Variants in ADAMTSL2 observed in about 807,000 individuals in gnomAD.
ADAMTSL2 encodes the protein ADAMTS-like protein 2.
A neutral mutation model predicts 117.0 loss-of-function variants in ADAMTSL2; 55 were observed. That is an observed-to-expected ratio of 0.47 (90% CI 0.38 to 0.59). The LOEUF (loss-of-function observed/expected upper bound fraction) is 0.59. ADAMTSL2 is among the 20% of genes least tolerant of loss of function. The pLI is 0.00. For synonymous variants in ADAMTSL2, 572 were observed against 566.4 expected (o/e 1.01, Z -0.14); for missense variants, 1,182 against 1,354.5 (o/e 0.87, Z 2.00).
In ADAMTSL2 at chr9:133,557,770, G is replaced by T. The variant is rs1588295978; in HGVS notation, c.1649+1840G>T. 6.6e-6 allele frequency among the ~76,000 whole-genome samples: 1 copy of T among 152,198 alleles called. No homozygotes were observed. Among genetic ancestry groups the T allele is most frequent in the East Asian group, 1.9e-4 (1 of 5,198 alleles). Reference sequence around the variant, plus strand: ...GAGCCTCCAAGTGGCAGCAGTGGGGGGTGCCTTTCAGGACCCACTGCCTGG... The same window carrying T: ...GAGCCTCCAAGTGGCAGCAGTGGGGTGTGCCTTTCAGGACCCACTGCCTGG... On this transcript the variant is annotated intron_variant, in intron 11 of 18. Coordinates refer to ENST00000651351, the MANE Select transcript of ADAMTSL2 (RefSeq NM_014694.4). This position sits in a 1 kb window ranked among gnomAD's most constrained non-coding sequence, Gnocchi z 5.2.
At position 133,534,783 on chromosome 9, in the gene ADAMTSL2, G is replaced by T; in HGVS notation, c.-285G>T. On this transcript the variant is annotated 5_prime_UTR_variant, in exon 1 of 19. Coordinates refer to ENST00000651351, the MANE Select transcript of ADAMTSL2 (RefSeq NM_014694.4). ...AGAGGGAGGCGGCGCGGGGGAGGAG[G>T]GGAAGGGGAGAGGGAGGCCGGGCCG... is the stretch of plus-strand genomic sequence containing the variant. 2 of 1,477,930 alleles carry T rather than the reference G, an allele frequency of 1.4e-6. No homozygotes were observed. Among genetic ancestry groups the T allele is most frequent in the Non-Finnish European group, 1.8e-6 (2 of 1,109,302 alleles). The allele number at this position is 1,477,930 out of a possible 1,614,324, so 91.6% of individuals were successfully genotyped here. A position where few individuals can be genotyped will look rare whatever the true frequency, so the allele number is the denominator to read the frequency against.
rs995600790 is a variant in ADAMTSL2, at chr9:133,554,756, G to C, written c.1276+63G>C. On this transcript the variant is annotated intron_variant, in intron 10 of 18. Coordinates refer to ENST00000651351, the MANE Select transcript of ADAMTSL2 (RefSeq NM_014694.4). The surrounding 1 kb of genome is among the most constrained non-coding windows in gnomAD (Gnocchi z 5.2). ...GAGGCAGCCCAGGGAAGGGGGCCTT[G>C]GGGAAGGGGTCTCAGACCCTTTGCA... 8.7e-6 allele frequency: 12 copies of C among 1,379,964 alleles called. No homozygotes were observed. The highest frequency in any genetic ancestry group is 1.5e-5 in the African/African-American group (1 of 68,460). 85.5% of individuals were successfully genotyped at this position (1,379,964 alleles called of 1,614,324 possible).
In ADAMTSL2 at chr9:133,574,950, T is replaced by G. The variant is rs1359993321; in HGVS notation, c.*86T>G. 2 of 1,037,196 alleles carry G rather than the reference T, an allele frequency of 1.9e-6. No individual in the cohort carries two copies. Among genetic ancestry groups the G allele is most frequent in the Non-Finnish European group, 3.0e-6 (2 of 664,504 alleles). The allele number at this position is 1,037,196 out of a possible 1,614,324, so 64.2% of individuals were successfully genotyped here. On this transcript the variant is annotated 3_prime_UTR_variant, in exon 19 of 19. Transcript: ENST00000651351. The stretch of plus-strand genomic sequence containing the variant: ...CTTCTGGGGCCTCCACAGACCCCCC[T>G]CCTGCGGGGCACGCTGGCCTAAGAG...
At chr9:133,540,828 G>T in intron 6 of ADAMTSL2, 50 bp from the exon 7 acceptor site, 3 of 1,613,194 alleles carry the variant, frequency 1.9e-6, no homozygotes, top group Non-Finnish European at 2.5e-6. Context: ...CGGCCCCGGG[G>T]CCTGGCCACA....
intron 7 of ADAMTSL2, among the ~76,000 whole-genome samples, chr9:133,542,295 G>A (rs1285959764): frequency 5.9e-5 from 9 of 152,240 alleles, no homozygotes; most frequent in Admixed American, 5.9e-4. Context: ...CCAGCAGGGC[G>A]AGGTGGGCAG....
At position 133,568,392 on chromosome 9, in the gene ADAMTSL2, T is replaced by A; in HGVS notation, c.1994T>A (p.Leu665Gln). 6.2e-7 allele frequency: 1 copy of A among 1,607,430 alleles called. No individual in the cohort carries two copies. Among genetic ancestry groups the A allele is most frequent in the South Asian group, 1.1e-5 (1 of 89,958 alleles). Residue 665 changes from leucine to glutamine, a missense_variant, in exon 14 of 19, where the codon CTG (leucine) becomes CAG (glutamine). Leu to Gln is a moderately radical substitution (Grantham distance 113, BLOSUM62 -2). Transcript: ENST00000651351. ...PGFDSSVYSD[L>Q]CEAAEAVRPE... ...TTCGACAGCTCCGTGTACAGCGACC[T>A]GTGCGAGGCAGCCGAGGCCGTGCGG... is the stretch of plus-strand genomic sequence containing the variant.
intron 8 of ADAMTSL2, 41 bp downstream of exon 8, chr9:133,544,591 G>C: frequency 6.4e-7 from 1 of 1,562,076 alleles, no homozygotes; most frequent in Non-Finnish European, 8.8e-7. Flanking sequence ...CTGAGCTTTT[G>C]GTTGTGGAGC....
chr9:133,547,335 C>A lies in ADAMTSL2; in HGVS notation c.939+122C>A, dbSNP rs1830376394. ...AGGGCCACTGTGCGCGTGCACCCGGCAGCCTCACCACTCTGCGTGGGCTGG... is the reference window on the plus strand; with the variant it reads ...AGGGCCACTGTGCGCGTGCACCCGGAAGCCTCACCACTCTGCGTGGGCTGG... On this transcript the variant is annotated intron_variant, in intron 9 of 18. Coordinates refer to ENST00000651351, the MANE Select transcript of ADAMTSL2 (RefSeq NM_014694.4). 4.3e-6 allele frequency: 4 copies of A among 936,488 alleles called. No individual in the cohort carries two copies. In the Admixed American group the frequency reaches 6.8e-5, roughly 16 times the overall value. 58.0% of individuals were successfully genotyped at this position (936,488 alleles called of 1,614,324 possible).
intron 12 of ADAMTSL2, among the ~76,000 whole-genome samples, chr9:133,565,873 A>ACG (rs1830960522): frequency 6.6e-6 from 1 of 151,660 alleles, no homozygotes; most frequent in Admixed American, 6.6e-5. Context: ...ACACACACAC[A>ACG]CAGCCACAGC....
Position 133,574,792 on chromosome 9 carries a change from C to T in ADAMTSL2, c.2784C>T (p.Ile928=). ...CAGGCACCAACTGTGCCCTGGCCAT[C>T]AAAGTGAACCTCTGCGGGCACTGGT... is the stretch of plus-strand genomic sequence containing the variant. ...DQPGTNCALA[I]KVNLCGHWYY... Residue 928 remains isoleucine (I), a synonymous_variant, in exon 19 of 19, where the codon ATC becomes ATT. Coordinates refer to ENST00000651351, the MANE Select transcript of ADAMTSL2 (RefSeq NM_014694.4). 1.9e-6 allele frequency: 3 copies of T among 1,613,802 alleles called. No homozygotes were observed. The highest frequency in any genetic ancestry group is 4.5e-5 in the East Asian group (2 of 44,872).
chr9:133,543,833 C>G (rs1830284417), intron 7 of ADAMTSL2, among the ~76,000 whole-genome samples: 1 of 152,252 alleles, frequency 6.6e-6, no homozygotes, highest in Non-Finnish European at 1.5e-5. Flanking sequence ...AGCACCTCCC[C>G]TCCAGACCCT....
At position 133,540,982 on chromosome 9, in the gene ADAMTSL2, C is replaced by T. The variant is rs1476086745; in HGVS notation, c.663C>T (p.Arg221=). Reference sequence around the variant, plus strand: ...GCACCCACGTGACGGGCAACTATCGCAAGGGGAATGCCCACCTTGGTAAGC... The same window carrying T: ...GCACCCACGTGACGGGCAACTATCGTAAGGGGAATGCCCACCTTGGTAAGC... ...SSCTHVTGNY[R]KGNAHLGYSL... The change falls in exon 7 of 19, where the codon CGC becomes CGT. Residue 221 remains arginine (R), a synonymous_variant. Transcript: ENST00000651351. 2 of 1,613,428 alleles carry T rather than the reference C, an allele frequency of 1.2e-6. No homozygotes were observed. Among genetic ancestry groups the T allele is most frequent in the Non-Finnish European group, 1.7e-6 (2 of 1,180,024 alleles).
intron 4 of ADAMTSL2, 81 bp downstream of exon 4, chr9:133,538,505 C>T (rs966827127): frequency 2.6e-6 from 4 of 1,520,706 alleles, no homozygotes; most frequent in Non-Finnish European, 3.6e-6. Context: ...CCAGGTGGCT[C>T]CTGGGCATTC....
Position 133,554,765 on chromosome 9 carries a change from GTC to G in ADAMTSL2, c.1276+75_1276+76del. On this transcript the variant is annotated intron_variant, in intron 10 of 18. Coordinates refer to ENST00000651351, the MANE Select transcript of ADAMTSL2 (RefSeq NM_014694.4). The surrounding 1 kb of genome is among the most constrained non-coding windows in gnomAD (Gnocchi z 5.2). ...CAGGGAAGGGGGCCTTGGGGAAGGG[GTC>G]TCAGACCCTTTGCAGACCTGCAGAG... The G allele has an allele frequency of 7.5e-7, 1 of 1,332,814 alleles. No individual in the cohort carries two copies. Among genetic ancestry groups the G allele is most frequent in the African/African-American group, 1.5e-5 (1 of 67,650 alleles). The allele number at this position is 1,332,814 out of a possible 1,614,324, so 82.6% of individuals were successfully genotyped here.
chr9:133,534,578 C>A, upstream of ADAMTSL2: 1 of 1,114,560 alleles, frequency 9.0e-7, no homozygotes, highest in Non-Finnish European at 1.2e-6. Flanking sequence ...GCTCCAGAGG[C>A]GCAGAGCGGG....
intron 7 of ADAMTSL2, among the ~76,000 whole-genome samples, chr9:133,543,767 T>C (rs11522323): frequency 0.48 from 73,313 of 152,140 alleles, 18,424 homozygotes; most frequent in Non-Finnish European, 0.54. Context: ...TTAAAATCTC[T>C]CCTTCTCCCC....
chr9:133,534,593 AGT>A (rs1830002844), upstream of ADAMTSL2: 1 of 1,205,770 alleles, frequency 8.3e-7, no homozygotes, highest in Non-Finnish European at 1.1e-6. Flanking sequence ...AGCGGGTTAA[AGT>A]GTGCGCCAGG....
intron 2 of ADAMTSL2, among the ~76,000 whole-genome samples, 182 bp from the exon 3 acceptor site, chr9:133,537,223 T>C (rs11516156): frequency 6.6e-4 from 101 of 151,982 alleles, no homozygotes; most frequent in African/African-American, 2.3e-3. Context: ...TCCTTGGGAG[T>C]TCCCCCCAGC....
At chr9:133,546,422 C>T (rs11497296) in intron 8 of ADAMTSL2, among the ~76,000 whole-genome samples, 74,345 of 151,506 alleles carry the variant, frequency 0.49, 19,022 homozygotes, top group Non-Finnish European at 0.54. Flanking sequence ...TGGACCAGGC[C>T]GCCCTGGCCT....
Sources: gnomAD v4.1 joint callset for allele counts (sites outside exome capture counted in the v4.1 genomes callset) on GRCh38, gnomAD v4.1.1 for gene constraint, Gnocchi (gnomAD v3.1) non-coding constraint, MANE v1.5 for transcripts, NCBI Gene and HGNC (gene_info 2026-07-23, HGNC 2026-07-21) for gene names.